PLEKHF2: variants seen among roughly 807,000 people sequenced by gnomAD.
The protein encoded by PLEKHF2 is pleckstrin homology domain-containing family F member 2.
PLEKHF2 carries 4 observed loss-of-function variants against 14.7 expected under a neutral mutation model. That is an observed-to-expected ratio of 0.27 (90% CI 0.13 to 0.62). The LOEUF (loss-of-function observed/expected upper bound fraction) is 0.62. Among genes scored for constraint, PLEKHF2 ranks in the 20% least tolerant of loss-of-function variants. The pLI is 0.85. For missense variants in PLEKHF2, 201 were observed against 307.7 expected (o/e 0.65, Z 2.60); for synonymous variants, 90 against 103.5 (o/e 0.87, Z 0.79).
chr8:95,153,204 G>A (rs1810580715), intron 1 of PLEKHF2, among the ~76,000 whole-genome samples: 1 of 152,118 alleles, frequency 6.6e-6, no homozygotes, highest in Non-Finnish European at 1.5e-5. Flanking sequence ...TAGCTCACAG[G>A]AAGGGTTTTA....
chr8:95,142,556 T>C (rs995735627), intron 1 of PLEKHF2, among the ~76,000 whole-genome samples: 3 of 152,174 alleles, frequency 2.0e-5, no homozygotes, highest in Non-Finnish European at 2.9e-5. Context: ...GCCCAAGCTA[T>C]TTTTTAGATA....
intron 1 of PLEKHF2, among the ~76,000 whole-genome samples, chr8:95,139,824 T>TC (rs71273468): frequency 6.7e-6 from 1 of 149,134 alleles, no homozygotes. Flanking sequence ...TTTTTTTTTT[T>TC]CCCATGTGTC....
rs950457828 is a variant in PLEKHF2 at position 95,147,490 on chromosome 8, G to A, written c.-14-6541G>A. Among the ~76,000 whole-genome samples the A allele has an allele frequency of 6.6e-5, 10 of 151,990 alleles. No homozygotes were observed. The East Asian group carries it at 1.9e-3, about 29-fold the overall frequency. Reference sequence around the variant, plus strand: ...AAACAAAATTTACTTATTTTAAAAAGCAAAATAAAACTCATTCTAGTGTGC... The same window carrying A: ...AAACAAAATTTACTTATTTTAAAAAACAAAATAAAACTCATTCTAGTGTGC... On this transcript the variant is annotated intron_variant, in intron 1 of 1. Coordinates refer to ENST00000315367, the MANE Select transcript of PLEKHF2 (RefSeq NM_024613.4).
chr8:95,136,331 TATACACACACAC>T (rs1345882783), intron 1 of PLEKHF2, among the ~76,000 whole-genome samples: 8 of 107,734 alleles, frequency 7.4e-5, no homozygotes, highest in Non-Finnish European at 1.1e-4. Context: ...TTTTATTATA[TATACACACACAC>T]ACACACACAC....
intron 1 of PLEKHF2, chr8:95,134,280 C>T (rs1047334224): frequency 8.7e-5 from 13 of 148,636 alleles, no homozygotes; most frequent in African/African-American, 3.2e-4. Flanking sequence ...GGGAGCGAGC[C>T]GCGCCCGCCC....
intron 1 of PLEKHF2, among the ~76,000 whole-genome samples, chr8:95,141,500 C>T (rs1488312378): frequency 6.6e-6 from 1 of 152,148 alleles, no homozygotes; most frequent in East Asian, 1.9e-4. Context: ...AACTCCCCTA[C>T]AGCCTCTGCT....
intron 1 of PLEKHF2, among the ~76,000 whole-genome samples, chr8:95,137,423 T>C (rs1205143368): frequency 6.6e-6 from 1 of 152,208 alleles, no homozygotes; most frequent in African/African-American, 2.4e-5. Context: ...AAAAAGAATA[T>C]TGCCTGGATC....
intron 1 of PLEKHF2, among the ~76,000 whole-genome samples, chr8:95,152,862 T>A (rs920828601): frequency 6.6e-6 from 1 of 152,180 alleles, no homozygotes; most frequent in Non-Finnish European, 1.5e-5. Context: ...GTCTTTAAAC[T>A]TTAAATGGTC....
At chr8:95,135,524 C>T (rs915760713) in intron 1 of PLEKHF2, among the ~76,000 whole-genome samples, 1 of 152,142 alleles carries the variant, frequency 6.6e-6, no homozygotes, top group East Asian at 1.9e-4. Context: ...CCTCGGCCTC[C>T]TGAGTAGTTA....
chr8:95,153,337 C>T (rs942290661), intron 1 of PLEKHF2, among the ~76,000 whole-genome samples: 1 of 152,114 alleles, frequency 6.6e-6, no homozygotes, highest in African/African-American at 2.4e-5. Context: ...GTGAAATGGA[C>T]TACAAGTAGT....
chr8:95,155,847 G>A lies in PLEKHF2; in HGVS notation c.*1053G>A, dbSNP rs1033562136. On this transcript the variant is annotated 3_prime_UTR_variant, in exon 2 of 2. Transcript: ENST00000315367. ...AAGTTTGGCTAGACTTCATATCGTGGAAGTATTGTCTATTTCAGTGTGAAA... is the reference window on the plus strand; with the variant it reads ...AAGTTTGGCTAGACTTCATATCGTGAAAGTATTGTCTATTTCAGTGTGAAA... The A allele has an allele frequency of 1.2e-5, 2 of 167,024 alleles. No individual in the cohort carries two copies. The highest frequency in any genetic ancestry group is 4.8e-5 in the African/African-American group (2 of 41,450). 10.3% of individuals were successfully genotyped at this position (167,024 alleles called of 1,614,324 possible). A position where few individuals can be genotyped will look rare whatever the true frequency, so the allele number is the denominator to read the frequency against.
chr8:95,135,415 C>G (rs1427505489), intron 1 of PLEKHF2, among the ~76,000 whole-genome samples: 1 of 151,576 alleles, frequency 6.6e-6, no homozygotes, highest in Admixed American at 6.6e-5. Flanking sequence ...CTTCCTTTTC[C>G]TTTTCCTAGA....
At chr8:95,148,734 T>G (rs1298010898) in intron 1 of PLEKHF2, among the ~76,000 whole-genome samples, 1 of 152,140 alleles carries the variant, frequency 6.6e-6, no homozygotes, top group Non-Finnish European at 1.5e-5. Context: ...CAGTTCTTGG[T>G]GTTTCTGGAA....
intron 1 of PLEKHF2, among the ~76,000 whole-genome samples, chr8:95,141,687 G>T (rs1810441598): frequency 6.7e-6 from 1 of 149,746 alleles, no homozygotes; most frequent in Non-Finnish European, 1.5e-5. Flanking sequence ...CACCACACTT[G>T]ACTAATTTTT....
chr8:95,144,140 G>T (rs1385713824), intron 1 of PLEKHF2, among the ~76,000 whole-genome samples: 3 of 152,008 alleles, frequency 2.0e-5, no homozygotes, highest in Non-Finnish European at 4.4e-5. Context: ...GCCAAAAGAT[G>T]GGACACCCCT....
chr8:95,137,953 C>T (rs1404071665), intron 1 of PLEKHF2, among the ~76,000 whole-genome samples: 2 of 152,166 alleles, frequency 1.3e-5, no homozygotes, highest in African/African-American at 2.4e-5. Context: ...CACCTCCAGT[C>T]CCTCCTAGGC....
rs1032506209 is a variant in PLEKHF2, at chr8:95,154,973, C to T, written c.*179C>T. The T allele has an allele frequency of 3.6e-5, 24 of 673,620 alleles. 3 individuals are homozygous for T. The highest frequency in any genetic ancestry group is 1.4e-4 in the East Asian group (5 of 36,490). The allele number at this position is 673,620 out of a possible 1,614,324, so 41.7% of individuals were successfully genotyped here. On this transcript the variant is annotated 3_prime_UTR_variant, in exon 2 of 2. Coordinates refer to ENST00000315367, the MANE Select transcript of PLEKHF2 (RefSeq NM_024613.4). This position sits in a 1 kb window ranked among gnomAD's most constrained non-coding sequence, Gnocchi z 5.6. ...TAGGTCCCCCTGCCTTCTCCCACTC[C>T]TCACACTCTTCTACAGGGATAGGCT...
At chr8:95,149,001 A>G (rs1358775453) in intron 1 of PLEKHF2, among the ~76,000 whole-genome samples, 1 of 152,038 alleles carries the variant, frequency 6.6e-6, no homozygotes, top group Non-Finnish European at 1.5e-5. Context: ...ATAAAACTAT[A>G]GATTAATATA....
intron 1 of PLEKHF2, 64 bp from the exon 2 acceptor site, chr8:95,153,967 A>G (rs1207462264): frequency 1.1e-5 from 13 of 1,201,630 alleles, no homozygotes; most frequent in Non-Finnish European, 1.4e-5. Context: ...CTTAATTTAT[A>G]TATAATTAAC....
Sources: allele counts gnomAD v4.1 joint callset (sites outside exome capture counted in the v4.1 genomes callset), GRCh38; gene constraint gnomAD v4.1.1; non-coding constraint Gnocchi (gnomAD v3.1); transcripts MANE v1.5; gene names NCBI Gene and HGNC (gene_info 2026-07-23, HGNC 2026-07-21).